MAGI2: variants seen among roughly 807,000 people sequenced by gnomAD.
The protein encoded by MAGI2 is membrane associated guanylate kinase, WW and PDZ domain containing 2.
A neutral mutation model predicts 133.3 loss-of-function variants in MAGI2; 35 were observed. The observed-to-expected ratio is 0.26, with a 90% CI of 0.20 to 0.35. The LOEUF (loss-of-function observed/expected upper bound fraction) is 0.35. Ranked by LOEUF, MAGI2 falls within the 10% of genes least tolerant of loss-of-function variation. MAGI2 has a pLI of 1.00. For synonymous variants in MAGI2, 729 were observed against 710.6 expected (o/e 1.03, Z -0.41); for missense variants, 1,636 against 1,863.4 (o/e 0.88, Z 2.25).
chr7:78,860,275 G>A (rs543145206), intron 2 of MAGI2, among the ~76,000 whole-genome samples: 17 of 152,244 alleles, frequency 1.1e-4, no homozygotes, highest in African/African-American at 3.6e-4. Context: ...ATCCAGATTT[G>A]TTCCATTGCT....
chr7:79,208,087 A>G (rs1257927815), intron 1 of MAGI2, among the ~76,000 whole-genome samples: 1 of 152,016 alleles, frequency 6.6e-6, no homozygotes, highest in African/African-American at 2.4e-5. Context: ...GAAACTACTA[A>G]TGAAAACATA....
intron 1 of MAGI2, among the ~76,000 whole-genome samples, chr7:79,135,993 A>AAGACAGAGAGAGAG (rs1554375862): frequency 1.4e-4 from 7 of 49,598 alleles, no homozygotes; most frequent in African/African-American, 3.6e-4. Context: ...GAAAGAAAGA[A>AAGACAGAGAGAGAG]AGAAAGAAAG....
chr7:78,518,270 A>C, intron 4 of MAGI2: 1 of 152,208 alleles, frequency 6.6e-6, no homozygotes, highest in Admixed American at 6.5e-5. Context: ...CAGGTAAAAT[A>C]GTGGTTATAT....
intron 2 of MAGI2, among the ~76,000 whole-genome samples, chr7:78,768,433 T>C (rs1169563621): frequency 6.6e-6 from 1 of 152,196 alleles, no homozygotes; most frequent in African/African-American, 2.4e-5. Flanking sequence ...TCCATTTCCA[T>C]TGTTCTACTA....
chr7:78,867,320 GA>G (rs1301276212), intron 2 of MAGI2, among the ~76,000 whole-genome samples: 2 of 149,590 alleles, frequency 1.3e-5, no homozygotes, highest in Admixed American at 6.7e-5. Flanking sequence ...ACTGGATTAA[GA>G]AAATGTGGCA....
chr7:78,248,979 GAAGTT>G (rs1415862822), intron 10 of MAGI2, among the ~76,000 whole-genome samples: 2 of 151,466 alleles, frequency 1.3e-5, no homozygotes, highest in Admixed American at 1.3e-4. Flanking sequence ...CATCTGACAA[GAAGTT>G]AATATCCAAA....
At chr7:78,195,467 C>T (rs889338836) in intron 11 of MAGI2, among the ~76,000 whole-genome samples, 1 of 152,308 alleles carries the variant, frequency 6.6e-6, no homozygotes, top group South Asian at 2.1e-4. Flanking sequence ...TATTACATCA[C>T]TTTCACTGGA....
chr7:78,391,599 T>C lies in MAGI2; in HGVS notation c.1046-22386A>G, dbSNP rs76093776. ...TGTATTCACAAGGGCATTTTGCAAA[T>C]TAATTTTACCCAATTAATATGTCAT... On this transcript the variant is annotated intron_variant, in intron 6 of 21. Coordinates refer to ENST00000354212, the MANE Select transcript of MAGI2 (RefSeq NM_012301.4). 7.7e-3 allele frequency among the ~76,000 whole-genome samples: 1,173 copies of C among 152,332 alleles called. 34 individuals carry two copies. Among genetic ancestry groups the C allele is most frequent in the East Asian group, 0.071 (366 of 5,180 alleles).
intron 1 of MAGI2, among the ~76,000 whole-genome samples, chr7:79,277,114 GGAAA>G (rs1315262024): frequency 4.6e-5 from 7 of 152,200 alleles, no homozygotes; most frequent in East Asian, 1.9e-4. Context: ...AAATCTGTCA[GGAAA>G]GAAAGAGTCA....
intron 3 of MAGI2, among the ~76,000 whole-genome samples, chr7:78,535,896 C>T (rs1364042989): frequency 1.3e-5 from 2 of 150,814 alleles, no homozygotes; most frequent in Admixed American, 6.6e-5. Context: ...CCGCCTCCCC[C>T]CAACACTCAG....
Position 78,962,339 on chromosome 7 carries a change from C to T in MAGI2, c.418+44751G>A, listed in dbSNP as rs577872150. ...TTGTCATGCTTAGTTAAAACTTCGT[C>T]TCAAATGGAAAAAGGCTGAGCTTTT... On this transcript the variant is annotated intron_variant, in intron 2 of 21. Coordinates refer to ENST00000354212, the MANE Select transcript of MAGI2 (RefSeq NM_012301.4). Among the ~76,000 whole-genome samples, 16 of 152,114 alleles carry T rather than the reference C, an allele frequency of 1.1e-4. No individual in the cohort carries two copies. In the Middle Eastern group the frequency reaches 0.014, roughly 129 times the overall value.
At chr7:78,404,004 A>G (rs933321334) in intron 6 of MAGI2, among the ~76,000 whole-genome samples, 8 of 152,196 alleles carry the variant, frequency 5.3e-5, no homozygotes, top group African/African-American at 1.9e-4. Context: ...AATCACAAGC[A>G]TTCCTATACA....
intron 1 of MAGI2, among the ~76,000 whole-genome samples, chr7:79,077,667 T>G (rs1391185735): frequency 2.2e-5 from 3 of 134,846 alleles, no homozygotes; most frequent in African/African-American, 8.4e-5. Flanking sequence ...AATGGAAAAA[T>G]ACAGAGAAGC....
intron 1 of MAGI2, among the ~76,000 whole-genome samples, chr7:79,193,484 T>C (rs1827835623): frequency 6.6e-6 from 1 of 151,974 alleles, no homozygotes. Context: ...ACAAACTACA[T>C]ATTATGAGTT....
chr7:78,499,180 G>T (rs1015011067), intron 5 of MAGI2, among the ~76,000 whole-genome samples: 2 of 152,134 alleles, frequency 1.3e-5, no homozygotes, highest in Admixed American at 6.6e-5. Context: ...CTCTAGTAGG[G>T]TCAGGGGCTT....
At chr7:78,165,830 C>T (rs2150633542) in intron 15 of MAGI2, among the ~76,000 whole-genome samples, 1 of 152,352 alleles carries the variant, frequency 6.6e-6, no homozygotes, top group Non-Finnish European at 1.5e-5. Flanking sequence ...TGTCCCTTCT[C>T]ACTTTGAAGA....
intron 1 of MAGI2, among the ~76,000 whole-genome samples, chr7:79,361,429 C>T (rs764427423): frequency 6.6e-6 from 1 of 152,136 alleles, no homozygotes; most frequent in Non-Finnish European, 1.5e-5. Context: ...TAGGTGAGGA[C>T]AGGCACTTCT....
chr7:78,725,575 G>C (rs967168763), intron 2 of MAGI2, among the ~76,000 whole-genome samples: 1 of 152,216 alleles, frequency 6.6e-6, no homozygotes, highest in African/African-American at 2.4e-5. Context: ...TAGGCGGGCA[G>C]ATCACAAGGT....
At chr7:78,989,400 G>A (rs1005820185) in intron 2 of MAGI2, among the ~76,000 whole-genome samples, 2 of 152,012 alleles carry the variant, frequency 1.3e-5, no homozygotes, top group African/African-American at 4.8e-5. Flanking sequence ...GCTGCTGAAC[G>A]AAGTTTTTGA....
Sources: allele counts gnomAD v4.1 joint callset (sites outside exome capture counted in the v4.1 genomes callset), GRCh38; gene constraint gnomAD v4.1.1; transcripts MANE v1.5; gene names NCBI Gene and HGNC (gene_info 2026-07-23, HGNC 2026-07-21).